RTN4: variants seen among roughly 807,000 people sequenced by gnomAD.
RTN4 encodes the protein reticulon-4.
RTN4 carries 32 observed loss-of-function variants against 90.4 expected under a neutral mutation model. The ratio of observed to expected loss-of-function variants is 0.35; its 90% confidence interval spans 0.27 to 0.48. RTN4 has a LOEUF of 0.48. Ranked by LOEUF, RTN4 falls within the 20% of genes least tolerant of loss-of-function variation. The pLI is 0.99. For missense variants in RTN4, 1,706 were observed against 1,430.2 expected, an observed-to-expected ratio of 1.19 and a Z score of -3.11; for synonymous variants, 629 against 552.5, an observed-to-expected ratio of 1.14 and a Z score of -1.94.
chr2:54,974,646 C>T (rs754170533), intron 6 of RTN4, 49 bp downstream of exon 6: 1 of 1,377,538 alleles, frequency 7.3e-7, no homozygotes, highest in South Asian at 1.2e-5. Flanking sequence ...AAGCTCCTGG[C>T]ACACAATCTT....
intron 1 of RTN4, among the ~76,000 whole-genome samples, chr2:55,044,165 A>C (rs1366290522): frequency 6.6e-6 from 1 of 152,220 alleles, no homozygotes; most frequent in African/African-American, 2.4e-5. Context: ...ACTATACTTT[A>C]GCCTGGGTGA....
intron 5 of RTN4, among the ~76,000 whole-genome samples, chr2:54,978,453 A>AG (rs1677845952): frequency 6.7e-6 from 1 of 148,300 alleles, no homozygotes; most frequent in Non-Finnish European, 1.5e-5. Flanking sequence ...AAAAAAAAAA[A>AG]GAGCTAGTGA....
chr2:55,024,014 G>T (rs1681636439), intron 3 of RTN4, among the ~76,000 whole-genome samples: 1 of 152,130 alleles, frequency 6.6e-6, no homozygotes, highest in Non-Finnish European at 1.5e-5. Context: ...AGAGCTTCAT[G>T]TGTATAATAT....
intron 4 of RTN4, among the ~76,000 whole-genome samples, chr2:54,984,540 G>A (rs1167587172): frequency 1.3e-5 from 2 of 152,176 alleles, no homozygotes; most frequent in African/African-American, 2.4e-5. Context: ...TGTTCTTGCT[G>A]AAGACAAGAT....
chr2:55,050,539 G>A (rs2104987418), upstream of RTN4: 2 of 362,168 alleles, frequency 5.5e-6, no homozygotes, highest in Non-Finnish European at 9.9e-6. This position sits in a 1 kb window ranked among gnomAD's most constrained non-coding sequence, Gnocchi z 4.6. Context: ...TAGGAGTGAG[G>A]CCAGCGGACT....
At chr2:55,077,519 G>A (rs1668624337) in intron 2 of RTN4, among the ~76,000 whole-genome samples, 1 of 152,102 alleles carries the variant, frequency 6.6e-6, no homozygotes, top group African/African-American at 2.4e-5. Flanking sequence ...TTGTTGGTGG[G>A]AATGAAAACT....
At position 55,026,822 on chromosome 2, in the gene RTN4, G is replaced by A. The variant is rs1681923626; in HGVS notation, c.1277C>T (p.Ala426Val). Residue 426 changes from alanine to valine, a missense_variant, in exon 3 of 9, where the codon GCA becomes GTA. Transcript: ENST00000337526. ...LESKVDKKCF[A>V]DSLEQTNHEK... ...GTGATTAGTTTGCTCAAGGCTATCT[G>A]CAAAACATTTTTTATCCACTTTACT... is the stretch of plus-strand genomic sequence containing the variant. 6.2e-7 allele frequency: 1 copy of A among 1,613,762 alleles called. No individual in the cohort carries two copies. The highest frequency in any genetic ancestry group is 1.7e-5 in the Admixed American group (1 of 59,968).
the RTN4 span, among the ~76,000 whole-genome samples, chr2:55,130,534 C>T: frequency 6.6e-6 from 1 of 151,938 alleles, no homozygotes; most frequent in Non-Finnish European, 1.5e-5. Flanking sequence ...GCAGACTGCT[C>T]GAGCCCAGGA....
chr2:55,037,225 C>T (rs1370980461), intron 1 of RTN4, among the ~76,000 whole-genome samples: 6 of 152,166 alleles, frequency 3.9e-5, no homozygotes, highest in Non-Finnish European at 8.8e-5. Context: ...AGAGAAATTA[C>T]AGATGATCTA....
At chr2:54,992,788 G>A (rs1003632665) in intron 3 of RTN4, among the ~76,000 whole-genome samples, 31 of 152,098 alleles carry the variant, frequency 2.0e-4, no homozygotes, top group African/African-American at 7.2e-4. Flanking sequence ...TTAAACATAT[G>A]GCCGGGCGTG....
intron 3 of RTN4, among the ~76,000 whole-genome samples, chr2:55,013,568 C>T (rs575385977): frequency 1.7e-4 from 22 of 127,998 alleles, no homozygotes; most frequent in African/African-American, 6.8e-4. Context: ...TCTTTTATGA[C>T]CTCAGAAACT....
chr2:55,008,188 G>T (rs1014456512), intron 3 of RTN4, among the ~76,000 whole-genome samples: 1 of 135,534 alleles, frequency 7.4e-6, no homozygotes, highest in Non-Finnish European at 1.6e-5. Context: ...ACCTTTTAAA[G>T]AACACTGAAA....
chr2:54,985,320 T>A (rs1414433103), intron 4 of RTN4, among the ~76,000 whole-genome samples: 2 of 151,962 alleles, frequency 1.3e-5, no homozygotes, highest in Non-Finnish European at 2.9e-5. Context: ...TCACCACACC[T>A]GGCTAATTTT....
At position 55,041,936 on chromosome 2, in the gene RTN4, A is replaced by C. The variant is rs371919829; in HGVS notation, c.556+7809T>G. Among the ~76,000 whole-genome samples, 16 of 152,150 alleles carry C rather than the reference A, an allele frequency of 1.1e-4. No homozygotes were observed. In the East Asian group the frequency reaches 3.1e-3, roughly 29 times the overall value. Reference sequence around the variant, plus strand: ...ACCATATGGTCAAAATACAAATAACAAATCAATAAAAAGTTTTCAAGACAT... The same window carrying C: ...ACCATATGGTCAAAATACAAATAACCAATCAATAAAAAGTTTTCAAGACAT... On this transcript the variant is annotated intron_variant, in intron 1 of 8. Coordinates refer to ENST00000337526, the MANE Select transcript of RTN4 (RefSeq NM_020532.5).
intron 4 of RTN4, among the ~76,000 whole-genome samples, chr2:54,985,827 G>C (rs758252850): frequency 1.3e-5 from 2 of 152,184 alleles, no homozygotes; most frequent in Non-Finnish European, 2.9e-5. Flanking sequence ...TGCCCAAACA[G>C]ATATTACCTT....
At chr2:55,134,510 C>G in the RTN4 span, among the ~76,000 whole-genome samples, 1 of 152,212 alleles carries the variant, frequency 6.6e-6, no homozygotes. Flanking sequence ...AGCAGGCATT[C>G]ACCTTAGCTC....
chr2:55,087,815 T>C (rs1233077465), intron 1 of RTN4, among the ~76,000 whole-genome samples: 1 of 152,222 alleles, frequency 6.6e-6, no homozygotes, highest in Non-Finnish European at 1.5e-5. Flanking sequence ...AGGGTGTCCA[T>C]TGCTCCAGAT....
the RTN4 span, among the ~76,000 whole-genome samples, chr2:55,127,847 A>G: frequency 6.6e-6 from 1 of 152,036 alleles, no homozygotes; most frequent in Non-Finnish European, 1.5e-5. Context: ...AAATGCAGAT[A>G]CTTCAGTGAA....
chr2:55,104,691 T>C (rs564521420), intron 1 of RTN4, among the ~76,000 whole-genome samples: 2 of 152,180 alleles, frequency 1.3e-5, no homozygotes, highest in South Asian at 2.1e-4. Flanking sequence ...TGAAGAGACA[T>C]CCATTCCTTC....
Sources: allele counts gnomAD v4.1 joint callset (sites outside exome capture counted in the v4.1 genomes callset), GRCh38; gene constraint gnomAD v4.1.1; non-coding constraint Gnocchi (gnomAD v3.1); transcripts MANE v1.5; gene names NCBI Gene and HGNC (gene_info 2026-07-23, HGNC 2026-07-21).